The following CCBE1 variants were observed in gnomAD, a reference collection of about 807,000 sequenced individuals.
The protein encoded by CCBE1 is collagen and calcium-binding EGF domain-containing protein 1.
CCBE1 carries 37 observed loss-of-function variants against 50.0 expected under a neutral mutation model. The ratio of observed to expected loss-of-function variants is 0.74; its 90% CI spans 0.57 to 0.97. CCBE1 has a LOEUF of 0.97. Among genes scored for constraint, CCBE1 ranks in the 50% least tolerant of loss-of-function variants. CCBE1 has a pLI of 0.00. For synonymous variants in CCBE1, 234 were observed against 203.7 expected (o/e 1.15, Z -1.27); for missense variants, 538 against 523.8 (o/e 1.03, Z -0.26).
chr18:59,644,936 C>T (rs2054036000), intron 2 of CCBE1, among the ~76,000 whole-genome samples: 1 of 152,156 alleles, frequency 6.6e-6, no homozygotes, highest in Non-Finnish European at 1.5e-5. Flanking sequence ...TAGACATAAA[C>T]AGGGATGAAA....
At chr18:59,689,973 C>T (rs1397563559) in intron 2 of CCBE1, among the ~76,000 whole-genome samples, 4 of 152,136 alleles carry the variant, frequency 2.6e-5, no homozygotes, top group Non-Finnish European at 4.4e-5. Flanking sequence ...CAATTAAGAT[C>T]TTAACCTCCA....
chr18:59,671,711 G>T (rs1423862472), intron 2 of CCBE1, among the ~76,000 whole-genome samples: 1 of 151,164 alleles, frequency 6.6e-6, no homozygotes, highest in Non-Finnish European at 1.5e-5. Flanking sequence ...AGTGAGGGAT[G>T]AGGTGATACA....
chr18:59,561,189 A>C (rs2052731754), intron 2 of CCBE1, among the ~76,000 whole-genome samples: 1 of 152,232 alleles, frequency 6.6e-6, no homozygotes, highest in Non-Finnish European at 1.5e-5. Flanking sequence ...ATAGCTGGGC[A>C]GTTTATCAAA....
In CCBE1 at chr18:59,533,258, G is replaced by A. The variant is rs1460708275; in HGVS notation, c.213-53020C>T. On this transcript the variant is annotated intron_variant, in intron 2 of 10. Transcript: ENST00000439986. ...TGTTAGTTTAAAATTAAATGCTAGT[G>A]ATATTAGAGGTAAGTGTAAACAATT... is the stretch of plus-strand genomic sequence containing the variant. Among the ~76,000 whole-genome samples, 5 of 152,282 alleles carry A rather than the reference G, an allele frequency of 3.3e-5. No homozygotes were observed. The East Asian group carries it at 9.6e-4, about 29-fold the overall frequency.
intron 2 of CCBE1, among the ~76,000 whole-genome samples, chr18:59,532,231 G>C (rs546596086): frequency 2.6e-5 from 4 of 152,234 alleles, no homozygotes; most frequent in Non-Finnish European, 5.9e-5. Flanking sequence ...ATTTTTAGTA[G>C]AGATGGGGTT....
intron 2 of CCBE1, among the ~76,000 whole-genome samples, chr18:59,619,030 C>CT (rs1491264324): frequency 6.6e-6 from 1 of 152,088 alleles, no homozygotes. Flanking sequence ...TAGAAATTAA[C>CT]TTTTTCTCCT....
chr18:59,492,663 GT>G (rs1913168548), intron 2 of CCBE1, among the ~76,000 whole-genome samples: 1 of 152,200 alleles, frequency 6.6e-6, no homozygotes, highest in South Asian at 2.1e-4. Flanking sequence ...ACACCACTCG[GT>G]TGTGCATAAG....
intron 2 of CCBE1, among the ~76,000 whole-genome samples, chr18:59,582,038 C>T (rs989709696): frequency 1.3e-5 from 2 of 152,122 alleles, no homozygotes; most frequent in Non-Finnish European, 2.9e-5. Context: ...TAAGACACCC[C>T]CCAGGTACAG....
At chr18:59,565,561 A>G (rs1231442180) in intron 2 of CCBE1, among the ~76,000 whole-genome samples, 2 of 152,216 alleles carry the variant, frequency 1.3e-5, no homozygotes, top group African/African-American at 4.8e-5. Flanking sequence ...TGACCTTAGA[A>G]TTAGGACCAG....
intron 2 of CCBE1, among the ~76,000 whole-genome samples, chr18:59,581,769 T>C (rs975168279): frequency 6.6e-6 from 1 of 152,206 alleles, no homozygotes; most frequent in Non-Finnish European, 1.5e-5. Flanking sequence ...GTTAGCAGCA[T>C]TCCTGGTATC....
At chr18:59,560,973 C>G (rs1354181659) in intron 2 of CCBE1, among the ~76,000 whole-genome samples, 1 of 152,226 alleles carries the variant, frequency 6.6e-6, no homozygotes, top group Non-Finnish European at 1.5e-5. Context: ...TAAGGCACTC[C>G]TAGACCCTGA....
intron 2 of CCBE1, among the ~76,000 whole-genome samples, chr18:59,693,379 G>A (rs2054762613): frequency 6.6e-6 from 1 of 152,134 alleles, no homozygotes; most frequent in African/African-American, 2.4e-5. Context: ...CCCAACTTGA[G>A]ATGTGTGAAG....
At chr18:59,526,911 G>A (rs1201871201) in intron 2 of CCBE1, among the ~76,000 whole-genome samples, 1 of 152,164 alleles carries the variant, frequency 6.6e-6, no homozygotes, top group Non-Finnish European at 1.5e-5. Context: ...ATTTGCCAAG[G>A]AGTGTTTTAC....
At chr18:59,541,122 G>A (rs1197083354) in intron 2 of CCBE1, among the ~76,000 whole-genome samples, 1 of 152,138 alleles carries the variant, frequency 6.6e-6, no homozygotes, top group Non-Finnish European at 1.5e-5. Context: ...TAGCCATAAT[G>A]ACATTATAAT....
At position 59,533,895 on chromosome 18, in the gene CCBE1, T is replaced by C. The variant is rs528759178; in HGVS notation, c.213-53657A>G. Among the ~76,000 whole-genome samples, 3 of 152,346 alleles carry C rather than the reference T, an allele frequency of 2.0e-5. No homozygotes were observed. In the South Asian group the frequency reaches 6.2e-4, roughly 32 times the overall value. ...ATATGCGTGAAAACACATTTATCCG[T>C]TTATCTAAATAAGCACAAATGTACT... On this transcript the variant is annotated intron_variant, in intron 2 of 10. Transcript: ENST00000439986.
intron 2 of CCBE1, among the ~76,000 whole-genome samples, chr18:59,644,408 TC>T (rs1222061823): frequency 2.0e-5 from 3 of 152,210 alleles, no homozygotes; most frequent in Admixed American, 6.5e-5. Context: ...ATGTGTAAGT[TC>T]TGTTCTCCCT....
chr18:59,432,072 G>C lies in CCBE1; in HGVS notation c.*3836C>G, dbSNP rs1465495660. 6.6e-6 allele frequency: 1 copy of C among 152,230 alleles called. No individual in the cohort carries two copies. Among genetic ancestry groups the C allele is most frequent in the Admixed American group, 6.5e-5 (1 of 15,284 alleles). 9.4% of individuals were successfully genotyped at this position (152,230 alleles called of 1,614,324 possible). On this transcript the variant is annotated 3_prime_UTR_variant, in exon 11 of 11. Transcript: ENST00000439986. Reference sequence around the variant, plus strand: ...GGGTTCAAGCAATTCTTGTGTCTCAGCTTCCCGAGTAGCTGAGACTACAGG... The same window carrying C: ...GGGTTCAAGCAATTCTTGTGTCTCACCTTCCCGAGTAGCTGAGACTACAGG...
intron 2 of CCBE1, among the ~76,000 whole-genome samples, chr18:59,673,556 C>A (rs1051528230): frequency 2.0e-5 from 3 of 152,196 alleles, no homozygotes; most frequent in Non-Finnish European, 2.9e-5. Context: ...ATACTTCTTA[C>A]AATCATTGTT....
At chr18:59,562,726 C>T (rs535746956) in intron 2 of CCBE1, among the ~76,000 whole-genome samples, 8 of 152,270 alleles carry the variant, frequency 5.3e-5, no homozygotes, top group South Asian at 2.1e-4. Flanking sequence ...ACTGGCACAC[C>T]CCCTCATCTG....
Sources: allele counts gnomAD v4.1 joint callset (sites outside exome capture counted in the v4.1 genomes callset), GRCh38; gene constraint gnomAD v4.1.1; transcripts MANE v1.5; gene names NCBI Gene and HGNC (gene_info 2026-07-23, HGNC 2026-07-21).